XKR9: variants seen among roughly 807,000 people sequenced by gnomAD.
XKR9 encodes the protein XK-related protein 9.
In XKR9, 32 loss-of-function variants were observed where a neutral mutation model predicts 32.0. The observed-to-expected ratio is 1.00, with a 90% confidence interval of 0.76 to 1.34. XKR9 has a LOEUF of 1.34. Among genes scored for constraint, XKR9 ranks in the 40% most tolerant of loss-of-function variants. XKR9 has a pLI of 0.00. For synonymous variants in XKR9, 168 were observed against 143.4 expected (o/e 1.17, Z -1.22); for missense variants, 546 against 429.7 (o/e 1.27, Z -2.39).
At chr8:70,858,798 A>G in the XKR9 span, among the ~76,000 whole-genome samples, 1 of 152,146 alleles carries the variant, frequency 6.6e-6, no homozygotes, top group Non-Finnish European at 1.5e-5. Context: ...AAAACTAGAT[A>G]ACTACATGCA....
At chr8:70,715,016 G>T (rs1030691562) in intron 4 of XKR9, among the ~76,000 whole-genome samples, 3 of 152,114 alleles carry the variant, frequency 2.0e-5, no homozygotes, top group African/African-American at 7.2e-5. Context: ...TTAGAAGCAG[G>T]TAGGAAAGTG....
chr8:70,896,954 G>A, the XKR9 span, among the ~76,000 whole-genome samples: 1 of 151,820 alleles, frequency 6.6e-6, no homozygotes, highest in Non-Finnish European at 1.5e-5. Context: ...CCTGTTTTGC[G>A]AGCAAATACT....
chr8:70,892,329 C>A, the XKR9 span, among the ~76,000 whole-genome samples: 1 of 151,872 alleles, frequency 6.6e-6, no homozygotes, highest in Non-Finnish European at 1.5e-5. Flanking sequence ...ATATTTTGTT[C>A]TTTTGTTCCT....
intron 4 of XKR9, among the ~76,000 whole-genome samples, chr8:70,720,943 G>T (rs1806258350): frequency 6.6e-6 from 1 of 152,172 alleles, no homozygotes; most frequent in African/African-American, 2.4e-5. Flanking sequence ...GCTTTGTTCG[G>T]TTGGTAGGCT....
At chr8:70,837,037 T>C in the XKR9 span, among the ~76,000 whole-genome samples, 1 of 152,120 alleles carries the variant, frequency 6.6e-6, no homozygotes, top group African/African-American at 2.4e-5. Context: ...TTCTAGAGCC[T>C]GAATGGTTCA....
chr8:70,715,729 T>C (rs929030297), intron 4 of XKR9, among the ~76,000 whole-genome samples: 5 of 152,106 alleles, frequency 3.3e-5, no homozygotes, highest in Non-Finnish European at 7.4e-5. Flanking sequence ...AAAAAAGTAA[T>C]GTACTAAGGA....
chr8:70,816,859 T>C, the XKR9 span, among the ~76,000 whole-genome samples: 1 of 152,000 alleles, frequency 6.6e-6, no homozygotes, highest in Non-Finnish European at 1.5e-5. Flanking sequence ...TAAACAGAAT[T>C]AAAAACAACA....
At chr8:70,997,746 C>G in the XKR9 span, among the ~76,000 whole-genome samples, 1 of 152,024 alleles carries the variant, frequency 6.6e-6, no homozygotes, top group Non-Finnish European at 1.5e-5. Context: ...ACCACCTGTT[C>G]CCCCCAAACT....
the XKR9 span, among the ~76,000 whole-genome samples, chr8:70,986,713 C>T: frequency 6.6e-6 from 1 of 152,198 alleles, no homozygotes; most frequent in Non-Finnish European, 1.5e-5. Context: ...TTTTAAAACA[C>T]TTCTTACTAG....
the XKR9 span, among the ~76,000 whole-genome samples, chr8:70,958,366 G>T: frequency 0.32 from 48,553 of 151,900 alleles, 9,092 homozygotes; most frequent in Non-Finnish European, 0.43. Flanking sequence ...AGCATCTGTT[G>T]TTTTTTGACT....
At chr8:70,682,621 G>A (rs1396514684) in intron 3 of XKR9, among the ~76,000 whole-genome samples, 1 of 151,876 alleles carries the variant, frequency 6.6e-6, no homozygotes. Context: ...TTCTCTAGTA[G>A]GCATTTAGAC....
At chr8:71,044,342 G>A in the XKR9 span, among the ~76,000 whole-genome samples, 4 of 152,140 alleles carry the variant, frequency 2.6e-5, no homozygotes, top group Non-Finnish European at 4.4e-5. Flanking sequence ...GTTGTGTGCT[G>A]CTTTGTGTCT....
the XKR9 span, among the ~76,000 whole-genome samples, chr8:70,810,051 T>C: frequency 6.6e-6 from 1 of 152,092 alleles, no homozygotes; most frequent in African/African-American, 2.4e-5. Context: ...AAAGGTGGGG[T>C]TACCCACAAA....
At chr8:70,931,148 TAA>T in the XKR9 span, among the ~76,000 whole-genome samples, 35 of 141,120 alleles carry the variant, frequency 2.5e-4, no homozygotes, top group East Asian at 3.4e-3. Flanking sequence ...CAAGCTTAAG[TAA>T]AAAAAAAAAA....
chr8:71,047,488 T>C, the XKR9 span, among the ~76,000 whole-genome samples: 1 of 152,224 alleles, frequency 6.6e-6, no homozygotes, highest in Non-Finnish European at 1.5e-5. Context: ...CCATTTTATT[T>C]GGTTTCCAAA....
At chr8:70,791,054 G>T (rs1807757584), downstream of XKR9, among the ~76,000 whole-genome samples, 1 of 152,048 alleles carries the variant, frequency 6.6e-6, no homozygotes, top group Non-Finnish European at 1.5e-5. Context: ...ATCACCTTGG[G>T]AATTGGGGGA....
At chr8:70,994,658 C>T in the XKR9 span, among the ~76,000 whole-genome samples, 1 of 150,414 alleles carries the variant, frequency 6.6e-6, no homozygotes, top group East Asian at 1.9e-4. Flanking sequence ...GCCATTATTA[C>T]TCCAAATATT....
intron 2 of XKR9, among the ~76,000 whole-genome samples, chr8:70,752,260 G>T (rs929815448): frequency 1.3e-5 from 2 of 152,172 alleles, no homozygotes; most frequent in African/African-American, 4.8e-5. Flanking sequence ...AAATTTCGAT[G>T]AAGTCTGTTT....
At chr8:70,879,354 AC>A in the XKR9 span, among the ~76,000 whole-genome samples, 5 of 152,112 alleles carry the variant, frequency 3.3e-5, no homozygotes, top group African/African-American at 1.2e-4. Context: ...TTTAAAAAAA[AC>A]AATGAATCCA....
Sources: allele counts gnomAD v4.1 joint callset (sites outside exome capture counted in the v4.1 genomes callset), GRCh38; gene constraint gnomAD v4.1.1; transcripts MANE v1.5; gene names NCBI Gene and HGNC (gene_info 2026-07-23, HGNC 2026-07-21).